KDM4C: variants seen among roughly 807,000 people sequenced by gnomAD.
KDM4C encodes lysine-specific demethylase 4C.
Under a neutral mutation model 129.3 loss-of-function variants are expected in KDM4C, and 81 were observed. That is an observed-to-expected ratio of 0.63 (90% confidence interval 0.52 to 0.75). KDM4C has a LOEUF of 0.75. KDM4C is among the 30% of genes least tolerant of loss of function. KDM4C has a pLI of 0.00. For missense variants in KDM4C, 1,457 were observed against 1,304.0 expected, an observed-to-expected ratio of 1.12 and a Z score of -1.81; for synonymous variants, 573 against 456.1, an observed-to-expected ratio of 1.26 and a Z score of -3.26.
At chr9:6,934,695 C>T (rs1431669202) in intron 8 of KDM4C, among the ~76,000 whole-genome samples, 1 of 151,806 alleles carries the variant, frequency 6.6e-6, no homozygotes, top group Non-Finnish European at 1.5e-5. Flanking sequence ...ATCTCTTGAC[C>T]TCGTGATCCG....
chr9:6,846,496 C>G (rs1193873675), intron 4 of KDM4C, among the ~76,000 whole-genome samples: 1 of 152,038 alleles, frequency 6.6e-6, no homozygotes, highest in Non-Finnish European at 1.5e-5. Flanking sequence ...AGTCAGATAG[C>G]TAGTTTAATA....
rs552807668 is a variant in KDM4C at position 7,164,986 on chromosome 9, T to C, written c.2782-252T>C. 1.1e-3 allele frequency among the ~76,000 whole-genome samples: 167 copies of C among 152,340 alleles called. 3 individuals carry two copies. In the South Asian group the frequency reaches 0.032, roughly 30 times the overall value. ...ACCCCCTAAACAATTCTTTTTCAAA[T>C]AGCAAATGTAAATGCTGCTGTTTTT... On this transcript the variant is annotated intron_variant, in intron 19 of 21. Coordinates refer to ENST00000381309, the MANE Select transcript of KDM4C (RefSeq NM_015061.6).
At chr9:7,066,006 A>C (rs543079037) in intron 17 of KDM4C, among the ~76,000 whole-genome samples, 60 of 152,228 alleles carry the variant, frequency 3.9e-4, no homozygotes, top group East Asian at 2.1e-3. Context: ...AAAAAAAAAA[A>C]AAAACTGTAA....
chr9:6,859,408 G>C (rs2130409651), intron 5 of KDM4C, among the ~76,000 whole-genome samples: 1 of 148,802 alleles, frequency 6.7e-6, no homozygotes, highest in Admixed American at 6.7e-5. Context: ...CAGGAAGGTG[G>C]AGGTTACAGT....
At chr9:7,031,578 T>TA (rs531743088) in intron 15 of KDM4C, among the ~76,000 whole-genome samples, 6 of 152,042 alleles carry the variant, frequency 3.9e-5, no homozygotes, top group Non-Finnish European at 7.4e-5. Flanking sequence ...GGAGTGATTT[T>TA]AAAAAAAACT....
At chr9:7,001,686 A>T (rs909826428) in intron 12 of KDM4C, among the ~76,000 whole-genome samples, 15 of 151,330 alleles carry the variant, frequency 9.9e-5, no homozygotes, top group Non-Finnish European at 1.8e-4. Flanking sequence ...GGGTCAAAAT[A>T]TCTGTGATTC....
intron 8 of KDM4C, among the ~76,000 whole-genome samples, chr9:6,944,134 CTCTTAAATGAAATTAAATTA>C (rs1366977410): frequency 6.6e-6 from 1 of 152,054 alleles, no homozygotes; most frequent in Non-Finnish European, 1.5e-5. Context: ...TTAGGAAATC[CTCTTAAATGAAATTAAATTA>C]TCTGCAAGCA....
intron 17 of KDM4C, among the ~76,000 whole-genome samples, chr9:7,083,160 T>G (rs1012137504): frequency 1.3e-5 from 2 of 152,234 alleles, no homozygotes; most frequent in South Asian, 4.1e-4. Context: ...ACATTGAGGT[T>G]GAGTATCTCT....
intron 4 of KDM4C, among the ~76,000 whole-genome samples, chr9:6,820,710 CTCTCTTT>C (rs1356078469): frequency 3.7e-5 from 4 of 106,824 alleles, no homozygotes; most frequent in African/African-American, 7.5e-5. Flanking sequence ...CTCTCTCTCT[CTCTCTTT>C]TTTTTTTTTT....
At position 7,108,066 on chromosome 9, in the gene KDM4C, G is replaced by A. The variant is rs543646062; in HGVS notation, c.2610+4196G>A. Among the ~76,000 whole-genome samples, 5 of 152,234 alleles carry A rather than the reference G, an allele frequency of 3.3e-5. No individual in the cohort carries two copies. In the East Asian group the frequency reaches 9.6e-4, roughly 29 times the overall value. On this transcript the variant is annotated intron_variant, in intron 18 of 21. Coordinates refer to ENST00000381309, the MANE Select transcript of KDM4C (RefSeq NM_015061.6). ...CCTTATTCAGAGCAGTGTTTTTTGT[G>A]TGCATAATGGAAAGCAGGGTGGGTA...
chr9:6,777,359 T>C (rs1038187722), intron 1 of KDM4C, among the ~76,000 whole-genome samples: 1 of 152,210 alleles, frequency 6.6e-6, no homozygotes, highest in Non-Finnish European at 1.5e-5. Flanking sequence ...TTTGTTAACC[T>C]CTTGATGTTC....
chr9:6,876,414 G>C (rs1843562529), intron 5 of KDM4C, among the ~76,000 whole-genome samples: 1 of 152,180 alleles, frequency 6.6e-6, no homozygotes, highest in South Asian at 2.1e-4. Flanking sequence ...TGTTCTGTGA[G>C]GTAGACTAGG....
intron 17 of KDM4C, among the ~76,000 whole-genome samples, chr9:7,050,190 C>G (rs1829946474): frequency 6.6e-6 from 1 of 152,004 alleles, no homozygotes. Context: ...ATACCTCCAT[C>G]AAGAATTTCA....
intron 11 of KDM4C, chr9:6,986,882 G>T (rs557053143): frequency 2.4e-5 from 11 of 455,698 alleles, no homozygotes; most frequent in East Asian, 3.2e-5. Flanking sequence ...TTATGGCCAC[G>T]TGTCGATGCT....
chr9:7,142,825 C>T (rs1325727654), intron 19 of KDM4C, among the ~76,000 whole-genome samples: 1 of 151,900 alleles, frequency 6.6e-6, no homozygotes, highest in East Asian at 1.9e-4. Context: ...CATATATCCT[C>T]CCAGGATTTT....
intron 18 of KDM4C, among the ~76,000 whole-genome samples, chr9:7,105,842 A>G: frequency 6.6e-6 from 1 of 152,222 alleles, no homozygotes; most frequent in East Asian, 1.9e-4. Flanking sequence ...TAGGTTACTA[A>G]TGTGTTTCCT....
At chr9:7,005,163 C>T (rs561278340) in intron 12 of KDM4C, among the ~76,000 whole-genome samples, 1 of 152,226 alleles carries the variant, frequency 6.6e-6, no homozygotes, top group East Asian at 1.9e-4. Flanking sequence ...AGGCTGGGTG[C>T]AGTGGCTCAC....
intron 2 of KDM4C, among the ~76,000 whole-genome samples, chr9:6,798,530 A>G (rs1828198503): frequency 1.3e-5 from 2 of 152,224 alleles, no homozygotes; most frequent in African/African-American, 4.8e-5. Flanking sequence ...GACACAGCAC[A>G]TGTTTCAGAG....
intron 17 of KDM4C, among the ~76,000 whole-genome samples, chr9:7,064,340 C>T (rs1294259822): frequency 1.3e-5 from 2 of 152,030 alleles, no homozygotes; most frequent in Non-Finnish European, 2.9e-5. Flanking sequence ...ATCAATTTTG[C>T]CCTTTTCTTT....
Sources: gnomAD v4.1 joint callset for allele counts (sites outside exome capture counted in the v4.1 genomes callset) on GRCh38, gnomAD v4.1.1 for gene constraint, MANE v1.5 for transcripts, NCBI Gene and HGNC (gene_info 2026-07-23, HGNC 2026-07-21) for gene names.